Variants in PTPN9 observed in about 807,000 individuals in gnomAD.
The protein encoded by PTPN9 is tyrosine-protein phosphatase non-receptor type 9.
A neutral mutation model predicts 69.8 loss-of-function variants in PTPN9; 26 were observed. That is an observed-to-expected ratio of 0.37 (90% CI 0.27 to 0.52). The LOEUF (loss-of-function observed/expected upper bound fraction) is 0.52. PTPN9 is among the 20% of genes least tolerant of loss of function. The pLI, the probability that PTPN9 is intolerant of heterozygous loss-of-function variation, is 0.91. For missense variants in PTPN9, 549 were observed against 740.3 expected (o/e 0.74, Z 3.00); for synonymous variants, 274 against 272.5 (o/e 1.01, Z -0.05).
At chr15:75,511,983 C>T (rs1036817524) in intron 5 of PTPN9, among the ~76,000 whole-genome samples, 1 of 151,640 alleles carries the variant, frequency 6.6e-6, no homozygotes, top group Non-Finnish European at 1.5e-5. Context: ...GCTGGGATTA[C>T]GGGCGTGTGC....
intron 1 of PTPN9, among the ~76,000 whole-genome samples, chr15:75,535,781 T>C (rs1215165640): frequency 6.6e-6 from 1 of 152,168 alleles, no homozygotes; most frequent in Non-Finnish European, 1.5e-5. Flanking sequence ...TATCTATTGA[T>C]CTCTTCAGCC....
chr15:75,547,784 G>A (rs2075039904), intron 1 of PTPN9, among the ~76,000 whole-genome samples: 1 of 151,690 alleles, frequency 6.6e-6, no homozygotes, highest in Non-Finnish European at 1.5e-5. Flanking sequence ...TCCTGCCTCA[G>A]CCTCCTGAGT....
chr15:75,497,529 G>T (rs2074749406), intron 7 of PTPN9, among the ~76,000 whole-genome samples: 1 of 152,082 alleles, frequency 6.6e-6, no homozygotes, highest in Admixed American at 6.6e-5. Flanking sequence ...GGCCAGGTGT[G>T]GGGGCTCATG....
chr15:75,561,718 CTTTTA>C (rs2075104740), intron 1 of PTPN9, among the ~76,000 whole-genome samples: 3 of 151,772 alleles, frequency 2.0e-5, no homozygotes, highest in South Asian at 4.2e-4. Context: ...TTTTTTATTA[CTTTTA>C]TTTGAGAAAG....
intron 5 of PTPN9, chr15:75,512,843 C>G: frequency 3.6e-6 from 1 of 277,070 alleles, no homozygotes; most frequent in Admixed American, 3.8e-5. Flanking sequence ...TTTAGTAAAA[C>G]TTCATCCAGA....
chr15:75,511,397 CCTGT>C (rs1352467192), intron 5 of PTPN9, among the ~76,000 whole-genome samples: 1 of 151,900 alleles, frequency 6.6e-6, no homozygotes, highest in Non-Finnish European at 1.5e-5. Context: ...TGCCACCATG[CCTGT>C]CTAATTTTGT....
intron 1 of PTPN9, among the ~76,000 whole-genome samples, chr15:75,551,056 GTTT>G (rs2075054706): frequency 6.6e-6 from 1 of 152,164 alleles, no homozygotes; most frequent in Non-Finnish European, 1.5e-5. Flanking sequence ...TTACATCCAT[GTTT>G]TATTCAACCT....
chr15:75,505,110 C>G (rs1457074712), intron 7 of PTPN9, among the ~76,000 whole-genome samples: 1 of 152,078 alleles, frequency 6.6e-6, no homozygotes, highest in African/African-American at 2.4e-5. Context: ...TTGTTCTGTA[C>G]TAAGATAAAT....
chr15:75,540,778 C>CA (rs1026934581), intron 1 of PTPN9, among the ~76,000 whole-genome samples: 5 of 151,364 alleles, frequency 3.3e-5, no homozygotes, highest in Admixed American at 2.6e-4. Context: ...CTATTTAAAA[C>CA]AAAAAAAGGA....
chr15:75,556,845 C>A (rs1049079487), intron 1 of PTPN9, among the ~76,000 whole-genome samples: 6 of 152,146 alleles, frequency 3.9e-5, no homozygotes, highest in Non-Finnish European at 8.8e-5. Context: ...ACCCATTAAA[C>A]AATAATTCCC....
intron 8 of PTPN9, chr15:75,487,325 T>C (rs773748414): frequency 6.7e-6 from 1 of 148,238 alleles, no homozygotes; most frequent in Non-Finnish European, 1.5e-5. Flanking sequence ...AAGTAAATAA[T>C]GTCAAAAAAA....
intron 1 of PTPN9, among the ~76,000 whole-genome samples, chr15:75,539,350 G>C (rs2074998564): frequency 6.7e-6 from 1 of 148,612 alleles, no homozygotes. Flanking sequence ...GTCTCGCACT[G>C]CCACCCAGGC....
chr15:75,526,485 G>A (rs2074928286), intron 2 of PTPN9, among the ~76,000 whole-genome samples: 1 of 151,810 alleles, frequency 6.6e-6, no homozygotes. Context: ...TCTTTAGAAG[G>A]ATTCTGACCC....
intron 8 of PTPN9, among the ~76,000 whole-genome samples, chr15:75,485,258 T>C (rs928553973): frequency 1.3e-5 from 2 of 151,290 alleles, no homozygotes; most frequent in African/African-American, 2.4e-5. Flanking sequence ...GGAGAAGGTA[T>C]GGAAAAGCAC....
intron 2 of PTPN9, among the ~76,000 whole-genome samples, chr15:75,525,148 G>A (rs1451667024): frequency 6.6e-6 from 1 of 151,522 alleles, no homozygotes; most frequent in East Asian, 1.9e-4. Flanking sequence ...ACCTGATATT[G>A]TCTCCAACAG....
intron 5 of PTPN9, chr15:75,513,138 T>C (rs1020746656): frequency 2.5e-6 from 1 of 397,350 alleles, no homozygotes; most frequent in African/African-American, 2.1e-5. Flanking sequence ...GACAGTCATG[T>C]AAATAGACTA....
chr15:75,573,402 T>G (rs933278920), intron 1 of PTPN9, among the ~76,000 whole-genome samples: 1 of 152,202 alleles, frequency 6.6e-6, no homozygotes, highest in African/African-American at 2.4e-5. Flanking sequence ...AATTGTAGGC[T>G]TTATAATTAT....
chr15:75,528,826 G>A (rs1011383638), intron 1 of PTPN9, among the ~76,000 whole-genome samples: 4 of 151,098 alleles, frequency 2.6e-5, no homozygotes, highest in Non-Finnish European at 5.9e-5. Context: ...CCCGCCTTCC[G>A]AGTAGCTGTG....
At chr15:75,505,318 T>G (rs1483663878) in intron 7 of PTPN9, among the ~76,000 whole-genome samples, 1 of 149,744 alleles carries the variant, frequency 6.7e-6, no homozygotes, top group Non-Finnish European at 1.5e-5. Flanking sequence ...ACACAAACAC[T>G]GCGGAAGGCC....
Sources: gnomAD v4.1 joint callset for allele counts (sites outside exome capture counted in the v4.1 genomes callset) on GRCh38, gnomAD v4.1.1 for gene constraint, MANE v1.5 for transcripts, NCBI Gene and HGNC (gene_info 2026-07-23, HGNC 2026-07-21) for gene names.